CDC42: variants seen among roughly 807,000 people sequenced by gnomAD.
CDC42 encodes cell division control protein 42 homolog.
CDC42 carries 1 observed loss-of-function variant against 20.8 expected under a neutral mutation model. The observed-to-expected ratio is 0.05, with a 90% CI of 0.02 to 0.23. The LOEUF is 0.23. Ranked by LOEUF, CDC42 falls within the 10% of genes least tolerant of loss-of-function variation. The probability of loss-of-function intolerance (pLI) is 1.00; values close to 1 mark genes in which losing one functional copy is unlikely to be tolerated. For synonymous variants in CDC42, 72 were observed against 84.8 expected (o/e 0.85, Z 0.83); for missense variants, 49 against 227.9 (o/e 0.21, Z 5.05).
chr1:22,061,225 G>A (rs1645359340), intron 1 of CDC42, among the ~76,000 whole-genome samples: 1 of 151,998 alleles, frequency 6.6e-6, no homozygotes, highest in African/African-American at 2.4e-5. Flanking sequence ...TGGCCAACAT[G>A]GTGAAACCCC....
intron 1 of CDC42, among the ~76,000 whole-genome samples, chr1:22,074,900 C>A (rs1366379635): frequency 6.6e-6 from 1 of 152,172 alleles, no homozygotes; most frequent in Admixed American, 6.5e-5. Flanking sequence ...TTCAGAGCTA[C>A]CTTTCTTGTA....
Position 22,091,534 on chromosome 1 carries a change from C to G in CDC42, c.*17C>G. On this transcript the variant is annotated 3_prime_UTR_variant, in exon 6 of 6. Coordinates refer to ENST00000656825, the MANE Select transcript of CDC42 (RefSeq NM_001791.4). ...CTGCTATGAACATCTCTCCAGAGCC[C>G]TTTCTGCACAGCTGGTGTCGGCATC... 5 of 1,533,174 alleles carry G rather than the reference C, an allele frequency of 3.3e-6. No individual in the cohort carries two copies. Among genetic ancestry groups the G allele is most frequent in the Non-Finnish European group, 3.6e-6 (4 of 1,112,246 alleles). 95.0% of individuals were successfully genotyped at this position (1,533,174 alleles called of 1,614,324 possible).
chr1:22,072,364 TGGGATTAC>T (rs1355906271), intron 1 of CDC42, among the ~76,000 whole-genome samples: 3 of 152,110 alleles, frequency 2.0e-5, no homozygotes, highest in Non-Finnish European at 4.4e-5. Flanking sequence ...CCCAAAGTGC[TGGGATTAC>T]AGGCTTGAAC....
At chr1:22,090,472 T>G in intron 5 of CDC42, 1 of 991,876 alleles carries the variant, frequency 1.0e-6, no homozygotes, top group Non-Finnish European at 1.2e-6. Context: ...GGTGACCTAG[T>G]AGAGTGTAAT....
At chr1:22,060,038 T>C (rs1486339823) in intron 1 of CDC42, among the ~76,000 whole-genome samples, 1 of 152,074 alleles carries the variant, frequency 6.6e-6, no homozygotes, top group East Asian at 1.9e-4. Flanking sequence ...CTACGTCCTT[T>C]TCAATTGAAA....
At chr1:22,070,755 C>T (rs11807562) in intron 1 of CDC42, among the ~76,000 whole-genome samples, 18,818 of 151,990 alleles carry the variant, frequency 0.12, 1,279 homozygotes, top group Admixed American at 0.18. Flanking sequence ...TGAGCCACCA[C>T]GCCTGGCCTT....
intron 5 of CDC42, among the ~76,000 whole-genome samples, chr1:22,087,520 G>C (rs1355875626): frequency 3.3e-5 from 5 of 152,318 alleles, no homozygotes; most frequent in Non-Finnish European, 7.3e-5. Context: ...TTTGGAATGG[G>C]ACTTGTAACT....
intron 3 of CDC42, among the ~76,000 whole-genome samples, chr1:22,085,095 G>A (rs541464439): frequency 2.6e-5 from 4 of 152,048 alleles, no homozygotes; most frequent in Admixed American, 1.3e-4. Flanking sequence ...AGCCTGGTGC[G>A]GTGGTGTGTG....
chr1:22,096,254 C>A lies in CDC42; in HGVS notation c.*4737C>A, dbSNP rs771545623. Among the ~76,000 whole-genome samples, 3 of 151,946 alleles carry A rather than the reference C, an allele frequency of 2.0e-5. No homozygotes were observed. Among genetic ancestry groups the A allele is most frequent in the Non-Finnish European group, 2.9e-5 (2 of 68,012 alleles). ...GATTATAGGCATGAGTCACTGCGCC[C>A]GGCCTATTCATTCATTCTTACAGTG... On this transcript the variant is annotated 3_prime_UTR_variant, in exon 6 of 6. Coordinates refer to ENST00000656825, the MANE Select transcript of CDC42 (RefSeq NM_001791.4).
Position 22,078,593 on chromosome 1 carries a change from A to C in CDC42, c.105+10A>C, listed in dbSNP as rs1645575619. The C allele has an allele frequency of 6.3e-7, 1 of 1,593,286 alleles. No homozygotes were observed. Among genetic ancestry groups the C allele is most frequent in the East Asian group, 2.2e-5 (1 of 44,602 alleles). On this transcript the variant is annotated intron_variant, in intron 2 of 5. Transcript: ENST00000656825. ...GGAATATGTACCGACTGTAAGTATA[A>C]AGGCTTCCTTCTGTTAGTAAAATGT...
In CDC42 at chr1:22,095,916, A is replaced by G. The variant is rs911709265; in HGVS notation, c.*4399A>G. ...CCAGAGATGGCATATAGCCGATCCC[A>G]AGTCAGTGCTATTCATTCATTTTTT... On this transcript the variant is annotated 3_prime_UTR_variant, in exon 6 of 6. Coordinates refer to ENST00000656825, the MANE Select transcript of CDC42 (RefSeq NM_001791.4). Among the ~76,000 whole-genome samples the G allele has an allele frequency of 6.6e-6, 1 of 152,180 alleles. No homozygotes were observed. Among genetic ancestry groups the G allele is most frequent in the Non-Finnish European group, 1.5e-5 (1 of 68,042 alleles).
At chr1:22,084,525 T>G (rs17837987) in intron 3 of CDC42, among the ~76,000 whole-genome samples, 1,948 of 152,024 alleles carry the variant, frequency 0.013, 14 homozygotes, top group East Asian at 0.02. Context: ...GATTTTTTTT[T>G]TGGGGTAAGT....
In CDC42 at chr1:22,086,558, T is replaced by A; in HGVS notation, c.288+10T>A. The A allele has an allele frequency of 6.3e-7, 1 of 1,596,184 alleles. No individual in the cohort carries two copies. Among genetic ancestry groups the A allele is most frequent in the Non-Finnish European group, 8.6e-7 (1 of 1,164,332 alleles). On this transcript the variant is annotated intron_variant, in intron 4 of 5. Coordinates refer to ENST00000656825, the MANE Select transcript of CDC42 (RefSeq NM_001791.4). ...AAACGTGAAAGAAAAGGTAAGCTGATCAGATACTCTTGCCCTAAGAAGATC... is the reference window on the plus strand; with the variant it reads ...AAACGTGAAAGAAAAGGTAAGCTGAACAGATACTCTTGCCCTAAGAAGATC...
Position 22,078,597 on chromosome 1 carries a change from C to T in CDC42, c.105+14C>T, listed in dbSNP as rs2124005313. ...TATGTACCGACTGTAAGTATAAAGG[C>T]TTCCTTCTGTTAGTAAAATGTTGTA... On this transcript the variant is annotated intron_variant, in intron 2 of 5. Coordinates refer to ENST00000656825, the MANE Select transcript of CDC42 (RefSeq NM_001791.4). The T allele has an allele frequency of 6.3e-7, 1 of 1,584,890 alleles. No homozygotes were observed. The highest frequency in any genetic ancestry group is 8.6e-7 in the Non-Finnish European group (1 of 1,158,972).
At chr1:22,053,621 G>T (rs1645262837) in intron 1 of CDC42, among the ~76,000 whole-genome samples, 1 of 152,142 alleles carries the variant, frequency 6.6e-6, no homozygotes. Context: ...CAAGATAAAT[G>T]TAGTGTGGAA....
chr1:22,069,752 C>T (rs1487019735), intron 1 of CDC42, among the ~76,000 whole-genome samples: 2 of 151,648 alleles, frequency 1.3e-5, no homozygotes, highest in African/African-American at 4.8e-5. Flanking sequence ...CAGGCGTGAG[C>T]CGCCACACCC....
chr1:22,100,026 C>CTTTT lies in CDC42; in HGVS notation c.*8511_*8512insTTTT. 3.5e-5 allele frequency among the ~76,000 whole-genome samples: 2 copies of CTTTT among 57,612 alleles called. 1 individual carries two copies. The highest frequency in any genetic ancestry group is 7.5e-3 in the East Asian group (2 of 268). 37.8% of individuals were successfully genotyped at this position (57,612 alleles called of 152,430 possible). On this transcript the variant is annotated 3_prime_UTR_variant, in exon 6 of 6. Transcript: ENST00000656825. ...CCTTTTTTTCTTTCTTCTTCTTCTT[C>CTTTT]TTCTTTTTTTTTTTTTTTGTATAAT... is the stretch of plus-strand genomic sequence containing the variant.
rs1373237738 is a variant in CDC42 at position 22,061,528 on chromosome 1, CTTTCT to C, written c.-51+8790_-51+8794del. ...GGTCAATCAGTTTAACTTCATGTTT[CTTTCT>C]TTTTTTTTTTTTTTTTTTTTTTTTT... On this transcript the variant is annotated intron_variant, in intron 1 of 5. Transcript: ENST00000656825. Among the ~76,000 whole-genome samples the C allele has an allele frequency of 1.2e-3, 102 of 86,306 alleles. 28 individuals are homozygous for C. Among genetic ancestry groups the C allele is most frequent in the African/African-American group, 3.7e-3 (82 of 22,406 alleles). The allele number at this position is 86,306 out of a possible 152,430, so 56.6% of individuals were successfully genotyped here.
At chr1:22,061,527 TCTTTC>T (rs1557893420) in intron 1 of CDC42, among the ~76,000 whole-genome samples, 70 of 45,122 alleles carry the variant, frequency 1.6e-3, no homozygotes, top group African/African-American at 3.7e-3. Flanking sequence ...ACTTCATGTT[TCTTTC>T]TTTTTTTTTT....
Sources: allele counts gnomAD v4.1 joint callset (sites outside exome capture counted in the v4.1 genomes callset), GRCh38; gene constraint gnomAD v4.1.1; transcripts MANE v1.5; gene names NCBI Gene and HGNC (gene_info 2026-07-23, HGNC 2026-07-21).